Variants in LYST observed in about 807,000 individuals in gnomAD.
LYST encodes lysosomal-trafficking regulator.
Under a neutral mutation model 413.6 loss-of-function variants are expected in LYST, and 192 were observed. That is an observed-to-expected ratio of 0.46 (90% CI 0.41 to 0.52). LYST has a LOEUF of 0.52. Among genes scored for constraint, LYST ranks in the 20% least tolerant of loss-of-function variants. The pLI is 0.00. For synonymous variants in LYST, 1,525 were observed against 1,567.3 expected (o/e 0.97, Z 0.64); for missense variants, 3,815 against 4,499.9 (o/e 0.85, Z 4.35).
intron 3 of LYST, chr1:235,828,834 C>G: frequency 1.3e-6 from 1 of 755,354 alleles, no homozygotes; most frequent in Non-Finnish European, 1.6e-6. Context: ...ATTTTATTTA[C>G]AGAAAAGTCA....
At chr1:235,839,709 G>A (rs1028178555) in intron 1 of LYST, 1 of 151,276 alleles carries the variant, frequency 6.6e-6, no homozygotes, top group African/African-American at 2.4e-5. Flanking sequence ...AGGAGGCTAA[G>A]GCAGGAGAAT....
At chr1:235,851,990 T>C (rs1678593749) in intron 1 of LYST, among the ~76,000 whole-genome samples, 1 of 152,254 alleles carries the variant, frequency 6.6e-6, no homozygotes. Context: ...TCAACTTTCA[T>C]TGAATCTATT....
intron 16 of LYST, among the ~76,000 whole-genome samples, chr1:235,780,116 A>C (rs948980774): frequency 1.1e-4 from 16 of 152,114 alleles, no homozygotes; most frequent in Non-Finnish European, 5.9e-5. Flanking sequence ...TTAAATAATA[A>C]GTTTTTTAGG....
chr1:235,662,331 CT>C lies in LYST; in HGVS notation c.*608del, dbSNP rs1478816055. ...GTTCTCCTTTGAGCTAAGAAAGCAA[CT>C]GGCAAAAACTGCCTAATTTTGAGAT... On this transcript the variant is annotated 3_prime_UTR_variant, in exon 53 of 53. Transcript: ENST00000389793. 6.5e-6 allele frequency: 1 copy of C among 152,752 alleles called. No individual in the cohort carries two copies. The allele number at this position is 152,752 out of a possible 1,614,324, so 9.5% of individuals were successfully genotyped here. A position where few individuals can be genotyped will look rare whatever the true frequency, so the allele number is the denominator to read the frequency against.
At chr1:235,752,838 T>C (rs1666638976) in intron 26 of LYST, among the ~76,000 whole-genome samples, 1 of 152,054 alleles carries the variant, frequency 6.6e-6, no homozygotes, top group Non-Finnish European at 1.5e-5. Context: ...TAAAGTAGCA[T>C]ACAGGGACAT....
Position 235,712,124 on chromosome 1 carries a change from A to G in LYST, c.9858T>C (p.Ser3286=). 6.4e-7 allele frequency: 1 copy of G among 1,572,156 alleles called. No homozygotes were observed. Among genetic ancestry groups the G allele is most frequent in the Non-Finnish European group, 8.7e-7 (1 of 1,153,868 alleles). The change falls in exon 43 of 53, where the codon TCT becomes TCC. Residue 3286 remains serine (S), a synonymous_variant. Transcript: ENST00000389793. The part of the protein sequence containing the change: ...NTTWRLSSFE[S]MTDVKELIPE... ...GGATAAGTTCTTTCACATCAGTCAT[A>G]GATTCAAAAGATGAGAGTCGCCAAG...
intron 50 of LYST, among the ~76,000 whole-genome samples, chr1:235,667,925 G>C (rs2103016372): frequency 6.6e-6 from 1 of 152,098 alleles, no homozygotes; most frequent in African/African-American, 2.4e-5. Context: ...GCCTCCCAAA[G>C]TGCAGGGATT....
intron 1 of LYST, among the ~76,000 whole-genome samples, chr1:235,849,776 A>C (rs1240055106): frequency 4.8e-5 from 2 of 41,862 alleles, no homozygotes; most frequent in African/African-American, 5.0e-4. Context: ...CAATAGCTCC[A>C]AAAAAAAAAA....
intron 26 of LYST, among the ~76,000 whole-genome samples, 166 bp downstream of exon 26, chr1:235,752,878 T>C (rs1666644188): frequency 3.9e-5 from 6 of 152,022 alleles, no homozygotes; most frequent in Admixed American, 3.9e-4. Context: ...GCTTTTTTTT[T>C]CTTTCTTTCT....
Position 235,781,073 on chromosome 1 carries a change from A to T in LYST, c.5024-18T>A. The T allele has an allele frequency of 6.4e-7, 1 of 1,552,084 alleles. No homozygotes were observed. The highest frequency in any genetic ancestry group is 1.8e-4 in the Middle Eastern group (1 of 5,448). ...CTTAGCTCCTGAATAGCAGAAAAAT[A>T]AAGTTAGTTATTTAAAACACCCTAA... On this transcript the variant is annotated intron_variant, in intron 15 of 52. Transcript: ENST00000389793.
chr1:235,804,073 T>C (rs1228595615), intron 7 of LYST, among the ~76,000 whole-genome samples: 1 of 152,168 alleles, frequency 6.6e-6, no homozygotes, highest in Admixed American at 6.5e-5. Context: ...GTCATTTTTA[T>C]GTTGAATGAT....
At chr1:235,843,260 T>C (rs2103056947) in intron 1 of LYST, among the ~76,000 whole-genome samples, 1 of 152,306 alleles carries the variant, frequency 6.6e-6, no homozygotes, top group Admixed American at 6.5e-5. Context: ...ATTTATTAAG[T>C]AAATATTTTA....
At chr1:235,714,466 T>C (rs1367641375) in intron 42 of LYST, among the ~76,000 whole-genome samples, 1 of 152,296 alleles carries the variant, frequency 6.6e-6, no homozygotes, top group East Asian at 1.9e-4. Context: ...TAAGAGTGAA[T>C]ACAAATTCAT....
At chr1:235,848,742 C>T (rs60554561) in intron 1 of LYST, among the ~76,000 whole-genome samples, 9,590 of 151,946 alleles carry the variant, frequency 0.063, 1,006 homozygotes, top group African/African-American at 0.22. Context: ...AAGGCTACTA[C>T]GAATACATTT....
intron 42 of LYST, chr1:235,712,968 T>C (rs1264793414): frequency 1.0e-6 from 1 of 985,334 alleles, no homozygotes; most frequent in Non-Finnish European, 1.2e-6. Flanking sequence ...ACATGTTTCT[T>C]AGGAACCATA....
intron 30 of LYST, among the ~76,000 whole-genome samples, chr1:235,742,033 C>T (rs1665447682): frequency 1.3e-5 from 2 of 152,032 alleles, no homozygotes. Context: ...TTGTATGCTT[C>T]TATTTGTATG....
chr1:235,720,143 C>CCAG lies in LYST; in HGVS notation c.9560+515_9560+517dup, dbSNP rs779329652. 1.6e-3 allele frequency among the ~76,000 whole-genome samples: 216 copies of CCAG among 136,040 alleles called. 3 individuals are homozygous for CCAG. Among genetic ancestry groups the CCAG allele is most frequent in the Non-Finnish European group, 6.8e-4 (45 of 65,874 alleles). The allele number at this position is 136,040 out of a possible 152,430, so 89.2% of individuals were successfully genotyped here. On this transcript the variant is annotated intron_variant, in intron 40 of 52. Transcript: ENST00000389793. ...TGAGCCGAGATTGCGCCACTGCACT[C>CCAG]CAGCCTGGTGACAGAGTGAGACTCT...
chr1:235,786,612 C>A (rs978096940), intron 14 of LYST, among the ~76,000 whole-genome samples: 5 of 151,874 alleles, frequency 3.3e-5, no homozygotes, highest in South Asian at 2.1e-4. Context: ...ATGTTTATTG[C>A]GGCACTATTC....
At chr1:235,765,008 C>A (rs946651041) in intron 21 of LYST, among the ~76,000 whole-genome samples, 4 of 152,120 alleles carry the variant, frequency 2.6e-5, no homozygotes, top group African/African-American at 9.7e-5. Context: ...ACCAGCAGTT[C>A]TTTCCTTAGC....
Sources: allele counts gnomAD v4.1 joint callset (sites outside exome capture counted in the v4.1 genomes callset), GRCh38; gene constraint gnomAD v4.1.1; transcripts MANE v1.5; gene names NCBI Gene and HGNC (gene_info 2026-07-23, HGNC 2026-07-21).